The following NR2C1 variants were observed in gnomAD, a reference collection of about 807,000 sequenced individuals.
NR2C1 encodes the protein nuclear receptor subfamily 2 group C member 1.
NR2C1 carries 33 observed loss-of-function variants against 74.8 expected under a neutral mutation model. The ratio of observed to expected loss-of-function variants is 0.44; its 90% CI spans 0.33 to 0.59. NR2C1 has a LOEUF of 0.59. Among genes scored for constraint, NR2C1 ranks in the 20% least tolerant of loss-of-function variants. The probability of loss-of-function intolerance (pLI) is 0.02; values close to 1 mark genes in which losing one functional copy is unlikely to be tolerated. For missense variants in NR2C1, 568 were observed against 715.6 expected (o/e 0.79, Z 2.35); for synonymous variants, 225 against 240.6 (o/e 0.94, Z 0.60).
chr12:95,033,225 T>A (rs1027051780), intron 10 of NR2C1, among the ~76,000 whole-genome samples: 4 of 151,634 alleles, frequency 2.6e-5, no homozygotes, highest in African/African-American at 9.7e-5. Context: ...TTTGCCTTCA[T>A]GAAAAAAAGG....
rs199602666 is a variant in NR2C1 at position 95,031,515 on chromosome 12, A to G, written c.1254-27T>C. ...TATTAAAAACAGTAATAAAAGCACA[A>G]ATCAGATATTATTAAAATAAGTTTT... On this transcript the variant is annotated intron_variant, in intron 10 of 13. Coordinates refer to ENST00000333003, the MANE Select transcript of NR2C1 (RefSeq NM_003297.4). The G allele has an allele frequency of 2.7e-5, 41 of 1,532,552 alleles. 1 individual carries two copies. The Middle Eastern group carries it at 1.2e-3, about 45-fold the overall frequency. The allele number at this position is 1,532,552 out of a possible 1,614,324, so 94.9% of individuals were successfully genotyped here. A position where few individuals can be genotyped will look rare whatever the true frequency, so the allele number is the denominator to read the frequency against.
At chr12:95,069,433 C>T (rs778102706) in intron 1 of NR2C1, among the ~76,000 whole-genome samples, 1 of 152,198 alleles carries the variant, frequency 6.6e-6, no homozygotes, top group African/African-American at 2.4e-5. Context: ...AGATTTGTTA[C>T]TTACATAAAT....
At chr12:95,053,808 TGAGG>T (rs1565862012) in intron 7 of NR2C1, among the ~76,000 whole-genome samples, 15 of 150,698 alleles carry the variant, frequency 1.0e-4, no homozygotes, top group African/African-American at 2.9e-4. Flanking sequence ...CTCAGCCTCC[TGAGG>T]AGCTGGGACT....
At chr12:95,028,607 A>G (rs1869662704) in intron 11 of NR2C1, 83 bp from the exon 12 acceptor site, 1 of 1,042,028 alleles carries the variant, frequency 9.6e-7, no homozygotes. Context: ...CCTCTCAGGA[A>G]TTTTGAAAAA....
chr12:95,059,689 C>A (rs1242934068), intron 4 of NR2C1, among the ~76,000 whole-genome samples: 2 of 152,016 alleles, frequency 1.3e-5, no homozygotes, highest in African/African-American at 4.8e-5. Context: ...CCAGCCGGAG[C>A]AACAGTGAGA....
At chr12:95,056,913 T>C (rs1250978559) in intron 7 of NR2C1, among the ~76,000 whole-genome samples, 1 of 148,332 alleles carries the variant, frequency 6.7e-6, no homozygotes, top group East Asian at 2.0e-4. Flanking sequence ...GAGCCGAGAC[T>C]GTGCCACTGC....
rs1390552569 is a variant in NR2C1, at chr12:95,031,353, TTGAAGACTATTG to T, written c.1377_1388del (p.His459_Leu462del). 1.9e-6 allele frequency: 3 copies of T among 1,588,828 alleles called. No homozygotes were observed. Among genetic ancestry groups the T allele is most frequent in the South Asian group, 2.3e-5 (2 of 85,620 alleles). ...GGTAAGGAAGGTGCTTTTTACCTTG[TTGAAGACTATTG>T]TGAAGACAATTGACAAATGTTGCTA... On this transcript the variant is annotated inframe_deletion, in exon 11 of 14. Coordinates refer to ENST00000333003, the MANE Select transcript of NR2C1 (RefSeq NM_003297.4).
intron 10 of NR2C1, among the ~76,000 whole-genome samples, chr12:95,033,712 C>G (rs1279880285): frequency 6.6e-6 from 1 of 152,172 alleles, no homozygotes; most frequent in Non-Finnish European, 1.5e-5. Context: ...CCTTCAGTGT[C>G]ACGCACACAC....
chr12:95,042,454 C>A (rs1471953995), intron 9 of NR2C1, among the ~76,000 whole-genome samples: 1 of 151,980 alleles, frequency 6.6e-6, no homozygotes. Flanking sequence ...CTCAGGTGAT[C>A]CGCCCGCCTG....
intron 1 of NR2C1, among the ~76,000 whole-genome samples, chr12:95,069,124 T>C (rs1242469546): frequency 6.6e-6 from 1 of 152,236 alleles, no homozygotes; most frequent in African/African-American, 2.4e-5. Context: ...TTTTAAATTT[T>C]GCTTAAATAC....
At chr12:95,028,735 T>C (rs377568194) in intron 11 of NR2C1, among the ~76,000 whole-genome samples, 1 of 152,150 alleles carries the variant, frequency 6.6e-6, no homozygotes, top group African/African-American at 2.4e-5. Context: ...ACTCAAGCAG[T>C]TCTCCTGCCT....
At chr12:95,034,352 T>C (rs1870549106) in intron 10 of NR2C1, among the ~76,000 whole-genome samples, 1 of 152,170 alleles carries the variant, frequency 6.6e-6, no homozygotes. Context: ...AGAAAATGCT[T>C]AAAAATATCA....
chr12:95,028,237 A>T (rs1184015482), intron 12 of NR2C1, 150 bp downstream of exon 12: 16 of 606,570 alleles, frequency 2.6e-5, no homozygotes, highest in Non-Finnish European at 4.0e-5. Flanking sequence ...GAGTCATATG[A>T]TAACTCCATG....
chr12:95,027,360 C>G (rs543585128), intron 12 of NR2C1, among the ~76,000 whole-genome samples: 1 of 152,156 alleles, frequency 6.6e-6, no homozygotes. Flanking sequence ...CTGCCAAGGT[C>G]TATCATATTA....
intron 1 of NR2C1, among the ~76,000 whole-genome samples, chr12:95,069,154 A>C (rs1448336510): frequency 6.6e-6 from 1 of 152,238 alleles, no homozygotes; most frequent in Admixed American, 6.5e-5. Context: ...CACAAAAATT[A>C]AAGTAATAAA....
intron 5 of NR2C1, 90 bp from the exon 6 acceptor site, chr12:95,057,968 A>C: frequency 2.8e-6 from 3 of 1,067,290 alleles, no homozygotes; most frequent in South Asian, 2.9e-5. Context: ...TGCTGCTAAT[A>C]GGAGACATGG....
chr12:95,062,500 T>C lies in NR2C1; in HGVS notation c.285+8A>G, dbSNP rs762835999. The C allele has an allele frequency of 1.3e-6, 2 of 1,576,098 alleles. No individual in the cohort carries two copies. The highest frequency in any genetic ancestry group is 1.1e-5 in the South Asian group (1 of 88,148). ...GTAAGAGGAAAAGACACTTCTATAG[T>C]TATTTACCTGCAGGTGTTGTGCAGA... is the stretch of plus-strand genomic sequence containing the variant. On this transcript the variant is annotated splice_region_variant and intron_variant, in intron 3 of 13. Transcript: ENST00000333003.
chr12:95,032,288 C>G (rs1870222871), intron 10 of NR2C1, among the ~76,000 whole-genome samples: 1 of 152,102 alleles, frequency 6.6e-6, no homozygotes, highest in African/African-American at 2.4e-5. Context: ...CTATGAATAA[C>G]AAGAGATTAG....
rs761519769 is a variant in NR2C1, at chr12:95,051,933, C to A, written c.794G>T (p.Cys265Phe). The change falls in exon 8 of 14, where the codon TGT (cysteine) becomes TTT (phenylalanine). Residue 265 changes from cysteine (C) to phenylalanine (F), a missense_variant. By Grantham distance (205) the Cys-to-Phe change is radical. Coordinates refer to ENST00000333003, the MANE Select transcript of NR2C1 (RefSeq NM_003297.4). ...GGCCAATGTACTTAAATCTCCCTGA[C>A]ATGATTCAGCCTTTAAAAAAAAGGG... ...VLMTSDKAES[C>F]QGDLSTLANV... The A allele has an allele frequency of 6.4e-7, 1 of 1,573,380 alleles. No individual in the cohort carries two copies. The highest frequency in any genetic ancestry group is 8.6e-7 in the Non-Finnish European group (1 of 1,165,378).
Sources: gnomAD v4.1 joint callset for allele counts (sites outside exome capture counted in the v4.1 genomes callset) on GRCh38, gnomAD v4.1.1 for gene constraint, MANE v1.5 for transcripts, NCBI Gene and HGNC (gene_info 2026-07-23, HGNC 2026-07-21) for gene names.